ST6GALNAC2: variants seen among roughly 807,000 people sequenced by gnomAD.
The protein encoded by ST6GALNAC2 is alpha-N-acetylgalactosaminide alpha-2,6-sialyltransferase 2.
A neutral mutation model predicts 38.7 loss-of-function variants in ST6GALNAC2; 42 were observed. That is an observed-to-expected ratio of 1.09 (90% confidence interval 0.85 to 1.40). The LOEUF is 1.40. Ranked by LOEUF, ST6GALNAC2 falls within the 40% of genes most tolerant of loss-of-function variation. The probability of loss-of-function intolerance (pLI) is 0.00; values close to 1 mark genes in which losing one functional copy is unlikely to be tolerated. For missense variants in ST6GALNAC2, 506 were observed against 481.7 expected, an observed-to-expected ratio of 1.05 and a Z score of -0.47; for synonymous variants, 233 against 209.0, an observed-to-expected ratio of 1.11 and a Z score of -0.99.
At chr17:76,585,064 A>G (rs1308419427) in intron 1 of ST6GALNAC2, among the ~76,000 whole-genome samples, 1 of 152,112 alleles carries the variant, frequency 6.6e-6, no homozygotes, top group African/African-American at 2.4e-5. Context: ...CGGGGAGGAG[A>G]ACGCGGATGG....
intron 5 of ST6GALNAC2, among the ~76,000 whole-genome samples, chr17:76,572,368 T>C (rs1033163044): frequency 7.2e-5 from 11 of 152,170 alleles, no homozygotes; most frequent in African/African-American, 2.4e-4. Context: ...GCACGGTCTC[T>C]GTAAAGTGCC....
chr17:76,577,606 C>T (rs1163248329), intron 2 of ST6GALNAC2, among the ~76,000 whole-genome samples: 4 of 129,594 alleles, frequency 3.1e-5, no homozygotes, highest in South Asian at 2.5e-4. Flanking sequence ...GACGGAGTTT[C>T]GCTCTGTCAC....
chr17:76,578,313 GCTGT>G (rs971402914), intron 2 of ST6GALNAC2, among the ~76,000 whole-genome samples: 1 of 152,170 alleles, frequency 6.6e-6, no homozygotes, highest in African/African-American at 2.4e-5. Flanking sequence ...CAAAATTAAT[GCTGT>G]CTGTTACTTA....
Position 76,572,700 on chromosome 17 carries a change from G to T in ST6GALNAC2, c.606C>A (p.Asn202Lys). 6.2e-7 allele frequency: 1 copy of T among 1,614,108 alleles called. No individual in the cohort carries two copies. The highest frequency in any genetic ancestry group is 8.5e-7 in the Non-Finnish European group (1 of 1,180,006). Residue 202 changes from asparagine (N) to lysine (K), a missense_variant, in exon 5 of 9, where the codon AAC becomes AAA. Asn to Lys is a moderately conservative substitution (Grantham distance 94). Transcript: ENST00000225276. ...AGGAGACGAGGGAGTTCTTCATCGT[G>T]TTCACAGTGAAACCATAGAAGGAAG... ...TKTSFYGFTV[N>K]TMKNSLVSYW...
At position 76,583,365 on chromosome 17, in the gene ST6GALNAC2, G is replaced by A. The variant is rs564909452; in HGVS notation, c.125+2319C>T. The stretch of plus-strand genomic sequence containing the variant: ...CACTCCAGCCTGGGCGACAGAGGGA[G>A]ACTCTGTCCCAAAAAAAAAAAGAAG... On this transcript the variant is annotated intron_variant, in intron 1 of 8. Coordinates refer to ENST00000225276, the MANE Select transcript of ST6GALNAC2 (RefSeq NM_006456.3). Among the ~76,000 whole-genome samples the A allele has an allele frequency of 5.4e-4, 16 of 29,742 alleles. No homozygotes were observed. In the South Asian group the frequency reaches 0.018, roughly 33 times the overall value. 19.5% of individuals were successfully genotyped at this position (29,742 alleles called of 152,430 possible).
chr17:76,577,018 T>C (rs1199650721), intron 2 of ST6GALNAC2, among the ~76,000 whole-genome samples: 1 of 151,204 alleles, frequency 6.6e-6, no homozygotes, highest in Non-Finnish European at 1.5e-5. Flanking sequence ...GATTGTTTCC[T>C]AATATGTCAA....
At chr17:76,568,024 C>T (rs146598806) in intron 7 of ST6GALNAC2, 48 of 169,076 alleles carry the variant, frequency 2.8e-4, no homozygotes, top group African/African-American at 1.1e-3. Flanking sequence ...GATCACCTGA[C>T]CTCTCAGAGC....
chr17:76,575,434 T>TA (rs1460138874), intron 2 of ST6GALNAC2, among the ~76,000 whole-genome samples: 1 of 151,854 alleles, frequency 6.6e-6, no homozygotes, highest in African/African-American at 2.4e-5. Context: ...GGTCAGGCCC[T>TA]AACTAGCATC....
In ST6GALNAC2 at chr17:76,568,599, G is replaced by A. The variant is rs558950772; in HGVS notation, c.857+114C>T. 4.1e-5 allele frequency: 40 copies of A among 971,572 alleles called. No individual in the cohort carries two copies. The South Asian group carries it at 4.9e-4, about 12-fold the overall frequency. The allele number at this position is 971,572 out of a possible 1,614,324, so 60.2% of individuals were successfully genotyped here. On this transcript the variant is annotated intron_variant, in intron 7 of 8. Transcript: ENST00000225276. ...TGCACACAGCACTCGGGACAGTGGA[G>A]CTCTGGTTATCGGTCAGTGCGTGGG...
chr17:76,568,991 C>T, intron 6 of ST6GALNAC2, 195 bp from the exon 7 acceptor site: 1 of 585,432 alleles, frequency 1.7e-6, no homozygotes, highest in Non-Finnish European at 3.0e-6. Flanking sequence ...TTCCCGCTCA[C>T]CAGGACCTCC....
intron 1 of ST6GALNAC2, among the ~76,000 whole-genome samples, chr17:76,579,889 A>C (rs1383713656): frequency 6.6e-6 from 1 of 152,164 alleles, no homozygotes; most frequent in Non-Finnish European, 1.5e-5. Context: ...TGTTTTTTGT[A>C]AATGATCCAA....
At chr17:76,577,573 A>ATT (rs71158024) in intron 2 of ST6GALNAC2, among the ~76,000 whole-genome samples, 7,372 of 117,054 alleles carry the variant, frequency 0.063, 328 homozygotes, top group South Asian at 0.096. Context: ...TGGCCTCTGT[A>ATT]TTTTTTTTTT....
intron 6 of ST6GALNAC2, chr17:76,569,084 G>A (rs1298729323): frequency 1.9e-4 from 28 of 151,152 alleles, no homozygotes; most frequent in Non-Finnish European, 2.7e-4. Flanking sequence ...TGGGGGTGGT[G>A]GGGGGGCGGG....
At position 76,567,564 on chromosome 17, in the gene ST6GALNAC2, AAG is replaced by A. The variant is rs772702249; in HGVS notation, c.858-14_858-13del. ...TTGATTTCAAGAACCTGGAAGCAAA[AAG>A]AGACATTTCAGCTCACTAGCTTGAT... is the stretch of plus-strand genomic sequence containing the variant. On this transcript the variant is annotated splice_polypyrimidine_tract_variant and intron_variant, in intron 7 of 8. Coordinates refer to ENST00000225276, the MANE Select transcript of ST6GALNAC2 (RefSeq NM_006456.3). 63 of 1,587,654 alleles carry A rather than the reference AAG, an allele frequency of 4.0e-5. No homozygotes were observed. The Middle Eastern group carries it at 6.6e-4, about 17-fold the overall frequency.
chr17:76,567,868 C>T (rs929176541), intron 7 of ST6GALNAC2: 19 of 312,306 alleles, frequency 6.1e-5, no homozygotes, highest in African/African-American at 4.1e-4. Flanking sequence ...TTTCTCTCTA[C>T]TCCACATCTT....
intron 2 of ST6GALNAC2, among the ~76,000 whole-genome samples, chr17:76,577,990 G>A (rs754234064): frequency 1.3e-5 from 2 of 152,124 alleles, no homozygotes; most frequent in Non-Finnish European, 2.9e-5. Context: ...AGAGGCCCCA[G>A]TCAGCATGTC....
Position 76,573,321 on chromosome 17 carries a change from G to A in ST6GALNAC2, c.404C>T (p.Ala135Val), listed in dbSNP as rs1432733511. ...GTCCCTGGGCGGGGCAAACAGCTTG[G>A]CACTCTCTGAGCCGTTCAGAAGGCT... is the stretch of plus-strand genomic sequence containing the variant. Reference protein sequence around the residue: ...TLSLLNGSESAKLFAPPRDTP... With the variant: ...TLSLLNGSESVKLFAPPRDTP... The change falls in exon 4 of 9, where the codon GCC becomes GTC. Residue 135 changes from alanine to valine, a missense_variant. By Grantham distance (64) the Ala-to-Val change is moderately conservative. Transcript: ENST00000225276. This position sits in a 1 kb window ranked among gnomAD's most constrained non-coding sequence, Gnocchi z 5.1. 6.3e-7 allele frequency: 1 copy of A among 1,584,104 alleles called. No homozygotes were observed. The highest frequency in any genetic ancestry group is 2.3e-5 in the East Asian group (1 of 43,780).
intron 1 of ST6GALNAC2, among the ~76,000 whole-genome samples, chr17:76,585,182 C>T (rs1296454370): frequency 6.6e-6 from 1 of 152,156 alleles, no homozygotes; most frequent in South Asian, 2.1e-4. Flanking sequence ...AGGGAGCGGG[C>T]GCGGGGCGGA....
chr17:76,573,403 C>T lies in ST6GALNAC2; in HGVS notation c.362-40G>A, dbSNP rs1326935302. On this transcript the variant is annotated intron_variant, in intron 3 of 8. Coordinates refer to ENST00000225276, the MANE Select transcript of ST6GALNAC2 (RefSeq NM_006456.3). The surrounding 1 kb of genome is among the most constrained non-coding windows in gnomAD (Gnocchi z 5.1). Reference sequence around the variant, plus strand: ...GGGGAGCAGCCATGAGGAGGGCTGGCATCGGGGGCACCTGGGGCCTTCCCT... The same window carrying T: ...GGGGAGCAGCCATGAGGAGGGCTGGTATCGGGGGCACCTGGGGCCTTCCCT... 2.0e-6 allele frequency: 3 copies of T among 1,473,706 alleles called. No individual in the cohort carries two copies. The highest frequency in any genetic ancestry group is 2.7e-6 in the Non-Finnish European group (3 of 1,109,458). The allele number at this position is 1,473,706 out of a possible 1,614,324, so 91.3% of individuals were successfully genotyped here.
Sources: gnomAD v4.1 joint callset for allele counts (sites outside exome capture counted in the v4.1 genomes callset) on GRCh38, gnomAD v4.1.1 for gene constraint, Gnocchi (gnomAD v3.1) non-coding constraint, MANE v1.5 for transcripts, NCBI Gene and HGNC (gene_info 2026-07-23, HGNC 2026-07-21) for gene names.